IL1RAP: variants seen among roughly 807,000 people sequenced by gnomAD.
IL1RAP encodes interleukin-1 receptor accessory protein.
Under a neutral mutation model 60.7 loss-of-function variants are expected in IL1RAP, and 35 were observed. The observed-to-expected ratio is 0.58, with a 90% CI of 0.44 to 0.76. The LOEUF (loss-of-function observed/expected upper bound fraction) is 0.76, where lower values mean the gene tolerates loss of function less well. Among genes scored for constraint, IL1RAP ranks in the 30% least tolerant of loss-of-function variants. IL1RAP has a pLI of 0.00. For missense variants in IL1RAP, 572 were observed against 693.9 expected, an observed-to-expected ratio of 0.82 and a Z score of 1.97; for synonymous variants, 268 against 250.9, an observed-to-expected ratio of 1.07 and a Z score of -0.64.
At chr3:190,608,826 GTCAAT>G (rs973807225) in intron 4 of IL1RAP, among the ~76,000 whole-genome samples, 164 bp from the exon 5 acceptor site, 3 of 126,966 alleles carry the variant, frequency 2.4e-5, no homozygotes, top group Non-Finnish European at 5.3e-5. Context: ...ATTCTGTGAT[GTCAAT>G]TCGTGTAGGA....
chr3:190,553,854 A>G (rs796701422), intron 1 of IL1RAP, among the ~76,000 whole-genome samples: 10 of 151,870 alleles, frequency 6.6e-5, no homozygotes, highest in African/African-American at 2.4e-4. Flanking sequence ...AGGTCAGGAG[A>G]TCGAGACCAT....
intron 1 of IL1RAP, among the ~76,000 whole-genome samples, chr3:190,537,505 A>C (rs552354322): frequency 6.6e-6 from 1 of 152,320 alleles, no homozygotes; most frequent in South Asian, 2.1e-4. Flanking sequence ...GCCACTGCTT[A>C]ATTTTAGGCT....
At chr3:190,640,392 C>A (rs1733570039) in intron 9 of IL1RAP, among the ~76,000 whole-genome samples, 1 of 152,194 alleles carries the variant, frequency 6.6e-6, no homozygotes, top group Admixed American at 6.5e-5. Flanking sequence ...GTCCAAAGTG[C>A]ACATGTTTTA....
chr3:190,608,955 A>C, intron 4 of IL1RAP, 40 bp from the exon 5 acceptor site: 1 of 1,518,410 alleles, frequency 6.6e-7, no homozygotes, highest in Admixed American at 1.7e-5. Flanking sequence ...ATGAAATCAA[A>C]TGCAAATACT....
chr3:190,551,080 G>A (rs971097248), intron 1 of IL1RAP, among the ~76,000 whole-genome samples: 1 of 152,124 alleles, frequency 6.6e-6, no homozygotes, highest in African/African-American at 2.4e-5. Context: ...CCTATGAGTT[G>A]GGTGATCCTC....
intron 1 of IL1RAP, chr3:190,550,308 C>T (rs1226751843): frequency 1.6e-4 from 25 of 152,154 alleles, no homozygotes; most frequent in Admixed American, 1.6e-3. Context: ...TTATCATGGC[C>T]TCTGGATCCC....
At chr3:190,532,479 T>A (rs569141236) in intron 1 of IL1RAP, among the ~76,000 whole-genome samples, 31 of 151,998 alleles carry the variant, frequency 2.0e-4, no homozygotes, top group Admixed American at 6.6e-4. Context: ...AGCCAGGATG[T>A]TCTCGATCTC....
At chr3:190,522,246 T>C (rs1038552672) in intron 1 of IL1RAP, among the ~76,000 whole-genome samples, 3 of 151,996 alleles carry the variant, frequency 2.0e-5, no homozygotes, top group Non-Finnish European at 4.4e-5. Context: ...CAGACTTAGT[T>C]TTCTCACCTG....
chr3:190,548,578 G>A (rs1187239000), intron 1 of IL1RAP, among the ~76,000 whole-genome samples: 1 of 152,172 alleles, frequency 6.6e-6, no homozygotes, highest in Non-Finnish European at 1.5e-5. Flanking sequence ...ACTATACACT[G>A]TGGACACAAA....
intron 5 of IL1RAP, 135 bp from the exon 6 acceptor site, chr3:190,620,140 C>T: frequency 2.0e-6 from 1 of 500,636 alleles, no homozygotes; most frequent in Non-Finnish European, 3.5e-6. Context: ...AATACTTGAC[C>T]AAAATAGTTT....
intron 1 of IL1RAP, among the ~76,000 whole-genome samples, chr3:190,534,541 G>A (rs998559743): frequency 5.9e-5 from 9 of 152,158 alleles, no homozygotes; most frequent in East Asian, 3.8e-4. Flanking sequence ...TCACAAAGTC[G>A]TGGGAAAAGA....
intron 8 of IL1RAP, 58 bp from the exon 9 acceptor site, chr3:190,629,292 C>G: frequency 7.9e-7 from 1 of 1,272,594 alleles, no homozygotes; most frequent in African/African-American, 1.5e-5. Flanking sequence ...GATTCCTACA[C>G]AGTCCATAGC....
intron 3 of IL1RAP, among the ~76,000 whole-genome samples, chr3:190,596,517 G>A (rs150402556): frequency 6.6e-6 from 1 of 152,276 alleles, no homozygotes; most frequent in East Asian, 1.9e-4. Flanking sequence ...TTGCTGTCAG[G>A]AGCGTGGGTT....
intron 3 of IL1RAP, among the ~76,000 whole-genome samples, chr3:190,577,003 A>G (rs948961184): frequency 6.7e-6 from 1 of 149,158 alleles, no homozygotes; most frequent in African/African-American, 2.5e-5. Flanking sequence ...CGGGAGGCTG[A>G]GGCAGGAGAA....
intron 3 of IL1RAP, among the ~76,000 whole-genome samples, chr3:190,570,813 G>A (rs951648854): frequency 7.2e-5 from 11 of 152,256 alleles, no homozygotes; most frequent in African/African-American, 2.6e-4. Context: ...TGATCTGCCT[G>A]CCTCAGCCTC....
At chr3:190,615,094 G>A (rs775116372) in intron 5 of IL1RAP, among the ~76,000 whole-genome samples, 1 of 151,016 alleles carries the variant, frequency 6.6e-6, no homozygotes, top group Non-Finnish European at 1.5e-5. Context: ...AAAAAATTCT[G>A]CCATGAATTC....
intron 5 of IL1RAP, among the ~76,000 whole-genome samples, chr3:190,611,217 G>GA (rs1199883166): frequency 6.6e-6 from 1 of 152,014 alleles, no homozygotes; most frequent in African/African-American, 2.4e-5. Context: ...ATCACAAGAG[G>GA]AAAAACCATC....
chr3:190,621,016 A>T (rs866334811), intron 6 of IL1RAP, among the ~76,000 whole-genome samples: 6 of 152,220 alleles, frequency 3.9e-5, no homozygotes, highest in African/African-American at 1.4e-4. Context: ...AAAGTGGGAA[A>T]GGCAATTCTT....
At chr3:190,656,720 CT>C (rs1734632422) in exon 12 of IL1RAP, 1 of 644,388 alleles carries the variant, frequency 1.6e-6, no homozygotes, top group East Asian at 2.9e-5. Flanking sequence ...TTTCTGTCCC[CT>C]TTATTGATTT....
Sources: allele counts gnomAD v4.1 joint callset (sites outside exome capture counted in the v4.1 genomes callset), GRCh38; gene constraint gnomAD v4.1.1; transcripts MANE v1.5; gene names NCBI Gene and HGNC (gene_info 2026-07-23, HGNC 2026-07-21).